The following MIA3 variants were observed in gnomAD, a reference collection of about 807,000 sequenced individuals.
MIA3 encodes the protein transport and Golgi organization protein 1 homolog.
MIA3 carries 90 observed loss-of-function variants against 192.4 expected under a neutral mutation model. The observed-to-expected ratio is 0.47, with a 90% confidence interval of 0.39 to 0.56. The LOEUF is 0.56. MIA3 is among the 20% of genes least tolerant of loss of function. MIA3 has a pLI of 0.00. For synonymous variants in MIA3, 740 were observed against 792.8 expected (o/e 0.93, Z 1.12); for missense variants, 2,123 against 2,269.4 (o/e 0.94, Z 1.31).
At chr1:222,651,942 T>A (rs755633482) in intron 11 of MIA3, 35 bp from the exon 12 acceptor site, 2 of 1,172,272 alleles carry the variant, frequency 1.7e-6, no homozygotes, top group South Asian at 2.4e-5. Context: ...ACTAAAATCC[T>A]AATATGCATT....
chr1:222,629,497 A>T lies in MIA3; in HGVS notation c.2277A>T (p.Gln759His). The T allele has an allele frequency of 6.2e-7, 1 of 1,614,060 alleles. No homozygotes were observed. The highest frequency in any genetic ancestry group is 2.2e-5 in the East Asian group (1 of 44,888). Residue 759 changes from glutamine to histidine, a missense_variant, in exon 4 of 28, where the codon CAA becomes CAT. Coordinates refer to ENST00000344922, the MANE Select transcript of MIA3 (RefSeq NM_198551.4). ...NQGRQFDVNLQVPDRAVLGTI... is the reference protein window; with the variant it reads ...NQGRQFDVNLHVPDRAVLGTI... ...GCAGGCAGTTTGATGTTAATCTGCA[A>T]GTCCCTGACAGAGCAGTTTTAGGGA...
At chr1:222,632,865 C>T (rs1322674162) in intron 5 of MIA3, among the ~76,000 whole-genome samples, 3 of 152,074 alleles carry the variant, frequency 2.0e-5, no homozygotes, top group African/African-American at 7.2e-5. Flanking sequence ...TGAAGGGGTC[C>T]AAGTATGTTT....
intron 24 of MIA3, chr1:222,660,739 A>C (rs1040205763): frequency 5.9e-6 from 1 of 168,642 alleles, no homozygotes; most frequent in Non-Finnish European, 1.3e-5. Flanking sequence ...ATAGCCTAGA[A>C]ATATAAAAAA....
At chr1:222,641,310 A>C (rs1479202650) in intron 6 of MIA3, 1 of 248,004 alleles carries the variant, frequency 4.0e-6, no homozygotes, top group African/African-American at 2.3e-5. Flanking sequence ...TTTTCTGCCC[A>C]GCTGGCACAT....
chr1:222,628,932 A>G lies in MIA3; in HGVS notation c.1712A>G (p.Lys571Arg), dbSNP rs779685526. The change falls in exon 4 of 28, where the codon AAG (lysine) becomes AGG (arginine). Residue 571 changes from lysine to arginine, a missense_variant. Transcript: ENST00000344922. Reference sequence around the variant, plus strand: ...GCAGGGAATCAAATGAATGACAGAAAGATTCAACAGGAATCCCTGGGTAGT... The same window carrying G: ...GCAGGGAATCAAATGAATGACAGAAGGATTCAACAGGAATCCCTGGGTAGT... Reference protein sequence around the residue: ...KAAGNQMNDRKIQQESLGSAP... With the variant: ...KAAGNQMNDRRIQQESLGSAP... The G allele has an allele frequency of 6.2e-7, 1 of 1,614,230 alleles. No individual in the cohort carries two copies. Among genetic ancestry groups the G allele is most frequent in the South Asian group, 1.1e-5 (1 of 91,086 alleles).
At chr1:222,658,372 T>G (rs1445493286) in intron 18 of MIA3, among the ~76,000 whole-genome samples, 1 of 152,238 alleles carries the variant, frequency 6.6e-6, no homozygotes, top group Non-Finnish European at 1.5e-5. Context: ...AATTATCTCC[T>G]GCATCATCCT....
Position 222,629,709 on chromosome 1 carries a change from T to C in MIA3, c.2489T>C (p.Phe830Ser). The change falls in exon 4 of 28, where the codon TTT (phenylalanine) becomes TCT (serine). Residue 830 changes from phenylalanine (F) to serine (S), a missense_variant. Coordinates refer to ENST00000344922, the MANE Select transcript of MIA3 (RefSeq NM_198551.4). ...KAQRPFERSD[F>S]SDSIKIQTPE... ...CAGAGACCATTTGAACGAAGTGACT[T>C]TTCTGACAGCATAAAAATTCAGACT... 1 of 1,614,160 alleles carries C rather than the reference T, an allele frequency of 6.2e-7. No individual in the cohort carries two copies. The highest frequency in any genetic ancestry group is 1.3e-5 in the African/African-American group (1 of 75,034).
intron 2 of MIA3, among the ~76,000 whole-genome samples, chr1:222,622,968 G>A (rs1444273357): frequency 1.3e-5 from 2 of 152,210 alleles, no homozygotes; most frequent in Non-Finnish European, 1.5e-5. Flanking sequence ...TGTTCATGTG[G>A]CATTTGCTTT....
intron 24 of MIA3, among the ~76,000 whole-genome samples, 176 bp from the exon 25 acceptor site, chr1:222,661,880 A>G (rs17163384): frequency 1.4e-3 from 214 of 152,218 alleles, no homozygotes; most frequent in African/African-American, 4.8e-3. Context: ...AGTGCAAGGC[A>G]GTTCTTATTT....
chr1:222,644,504 C>T (rs1316361892), intron 6 of MIA3: 2 of 1,550,630 alleles, frequency 1.3e-6, no homozygotes, highest in Admixed American at 2.0e-5. Context: ...ACTGTGCCTT[C>T]TATCGCCGCT....
In MIA3 at chr1:222,639,000, G is replaced by T. The variant is rs1351417504; in HGVS notation, c.3477+5751G>T. On this transcript the variant is annotated intron_variant, in intron 6 of 27. Transcript: ENST00000344922. ...CTGGTTCTTTGAGATTAATAAAACT[G>T]ATTAACCTATAGCCAAAGTGAACAG... is the stretch of plus-strand genomic sequence containing the variant. 4.6e-5 allele frequency among the ~76,000 whole-genome samples: 7 copies of T among 152,194 alleles called. No individual in the cohort carries two copies. The East Asian group carries it at 1.4e-3, about 29-fold the overall frequency.
At chr1:222,627,145 G>A (rs1312317617) in intron 3 of MIA3, among the ~76,000 whole-genome samples, 3 of 152,216 alleles carry the variant, frequency 2.0e-5, no homozygotes, top group African/African-American at 7.2e-5. Context: ...GAAATAATGG[G>A]CTTTCTAACA....
chr1:222,620,118 A>G (rs998769328), intron 1 of MIA3, among the ~76,000 whole-genome samples: 1 of 152,218 alleles, frequency 6.6e-6, no homozygotes, highest in Non-Finnish European at 1.5e-5. Context: ...AGCTTCAAAA[A>G]ACAAGTAGCC....
At chr1:222,662,494 C>A (rs964826473) in intron 26 of MIA3, 162 bp downstream of exon 26, 2 of 1,444,680 alleles carry the variant, frequency 1.4e-6, no homozygotes, top group East Asian at 2.6e-5. Context: ...CCCCTCAGTT[C>A]CCAGCATTAC....
intron 6 of MIA3, among the ~76,000 whole-genome samples, chr1:222,644,108 C>T (rs1382050121): frequency 6.6e-6 from 1 of 152,230 alleles, no homozygotes; most frequent in African/African-American, 2.4e-5. Flanking sequence ...GGCCTCATTA[C>T]TCTGGGGCTC....
chr1:222,629,834 G>C lies in MIA3; in HGVS notation c.2614G>C (p.Glu872Gln). The C allele has an allele frequency of 6.2e-7, 1 of 1,613,886 alleles. No homozygotes were observed. The highest frequency in any genetic ancestry group is 8.5e-7 in the Non-Finnish European group (1 of 1,179,970). The change falls in exon 4 of 28, where the codon GAG (glutamate) becomes CAG (glutamine). Residue 872 changes from glutamate (E) to glutamine (Q), a missense_variant. Transcript: ENST00000344922. The part of the protein sequence containing the change: ...LKTSGLAGEP[E>Q]GELSKEDHEN... ...GACCTCAGGGCTTGCAGGGGAGCCTGAGGGAGAACTCTCAAAAGAGGACCA... is the reference window on the plus strand; with the variant it reads ...GACCTCAGGGCTTGCAGGGGAGCCTCAGGGAGAACTCTCAAAAGAGGACCA...
chr1:222,634,922 A>G (rs1311014109), intron 6 of MIA3, among the ~76,000 whole-genome samples: 1 of 152,204 alleles, frequency 6.6e-6, no homozygotes, highest in Non-Finnish European at 1.5e-5. Flanking sequence ...ACATACTCCA[A>G]TTGTTGGTAA....
At chr1:222,650,974 T>G in intron 11 of MIA3, 71 bp downstream of exon 11, 1 of 873,070 alleles carries the variant, frequency 1.1e-6, no homozygotes, top group South Asian at 1.6e-5. Context: ...AGTTGAACTC[T>G]TTATTTTCCA....
At chr1:222,653,505 A>T (rs2291833) in intron 15 of MIA3, among the ~76,000 whole-genome samples, 166 bp downstream of exon 15, 120,974 of 152,192 alleles carry the variant, frequency 0.79, 49,903 homozygotes, top group Admixed American at 0.9. Flanking sequence ...TGCTAGGGTG[A>T]GGTGTAGCAG....
Sources: gnomAD v4.1 joint callset for allele counts (sites outside exome capture counted in the v4.1 genomes callset) on GRCh38, gnomAD v4.1.1 for gene constraint, MANE v1.5 for transcripts, NCBI Gene and HGNC (gene_info 2026-07-23, HGNC 2026-07-21) for gene names.